Variants in FTO observed in about 807,000 individuals in gnomAD.
FTO encodes alpha-ketoglutarate-dependent dioxygenase FTO.
FTO carries 47 observed loss-of-function variants against 63.9 expected under a neutral mutation model. The ratio of observed to expected loss-of-function variants is 0.74; its 90% CI spans 0.58 to 0.94. The LOEUF is 0.94. Among genes scored for constraint, FTO ranks in the 40% least tolerant of loss-of-function variants. The pLI is 0.00. For missense variants in FTO, 562 were observed against 618.1 expected, an observed-to-expected ratio of 0.91 and a Z score of 0.96; for synonymous variants, 207 against 224.4, an observed-to-expected ratio of 0.92 and a Z score of 0.69.
intron 7 of FTO, among the ~76,000 whole-genome samples, chr16:53,900,342 A>G (rs962941302): frequency 1.3e-5 from 2 of 152,168 alleles, no homozygotes; most frequent in East Asian, 3.9e-4. Flanking sequence ...CGATCTTTAT[A>G]TGAGCAGTCT....
intron 8 of FTO, among the ~76,000 whole-genome samples, chr16:53,961,466 A>G (rs1196721902): frequency 6.6e-6 from 1 of 152,202 alleles, no homozygotes; most frequent in Non-Finnish European, 1.5e-5. Context: ...ATTGCTGTCT[A>G]TGTTATTATT....
At chr16:53,925,755 G>A (rs968214644) in intron 7 of FTO, among the ~76,000 whole-genome samples, 5 of 152,164 alleles carry the variant, frequency 3.3e-5, no homozygotes, top group Non-Finnish European at 7.3e-5. Context: ...ATTCTGCTAT[G>A]ATACAGTGGA....
chr16:54,067,562 TTA>T (rs1327720968), intron 8 of FTO, among the ~76,000 whole-genome samples: 2 of 152,328 alleles, frequency 1.3e-5, no homozygotes, highest in East Asian at 3.9e-4. Flanking sequence ...CACATAAATT[TTA>T]TGTTGGTTAT....
chr16:53,768,445 G>A (rs2077260498), intron 1 of FTO, among the ~76,000 whole-genome samples: 1 of 152,212 alleles, frequency 6.6e-6, no homozygotes, highest in Non-Finnish European at 1.5e-5. Flanking sequence ...CCTCCAGGGA[G>A]ACAAAACTAA....
At chr16:53,869,024 GT>G (rs2080412586) in intron 4 of FTO, among the ~76,000 whole-genome samples, 1 of 151,966 alleles carries the variant, frequency 6.6e-6, no homozygotes, top group African/African-American at 2.4e-5. Flanking sequence ...TATAGACAGG[GT>G]TTTACCATGT....
At chr16:53,979,571 G>A (rs551894781) in intron 8 of FTO, 47 of 393,054 alleles carry the variant, frequency 1.2e-4, no homozygotes, top group Middle Eastern at 1.3e-3. Flanking sequence ...GTGTGTGCGC[G>A]CGTGTGTGAA....
chr16:54,022,490 G>T (rs2084624451), intron 8 of FTO, among the ~76,000 whole-genome samples: 1 of 152,116 alleles, frequency 6.6e-6, no homozygotes, highest in South Asian at 2.1e-4. Context: ...AAACAGCAGT[G>T]AGGGTATAAT....
chr16:54,017,439 T>C (rs968450451), intron 8 of FTO, among the ~76,000 whole-genome samples: 2 of 148,466 alleles, frequency 1.3e-5, no homozygotes, highest in East Asian at 2.1e-4. Flanking sequence ...TGGCTTACAT[T>C]AGAAGGAGCA....
intron 8 of FTO, among the ~76,000 whole-genome samples, chr16:53,941,811 C>T (rs555191790): frequency 6.6e-6 from 1 of 152,328 alleles, no homozygotes; most frequent in South Asian, 2.1e-4. Context: ...TGCATCACTA[C>T]ACTCCAGCCT....
chr16:54,050,884 A>G (rs2085295872), intron 8 of FTO, among the ~76,000 whole-genome samples: 1 of 152,224 alleles, frequency 6.6e-6, no homozygotes, highest in Non-Finnish European at 1.5e-5. Flanking sequence ...TATTTGCTAG[A>G]GAGAGCAAAA....
chr16:53,974,764 G>A (rs1035558212), intron 8 of FTO, among the ~76,000 whole-genome samples: 5 of 152,156 alleles, frequency 3.3e-5, no homozygotes, highest in African/African-American at 1.2e-4. Context: ...ATGTCATTCT[G>A]CACTGTTTTA....
chr16:53,983,289 G>A (rs1343374983), intron 8 of FTO, among the ~76,000 whole-genome samples: 2 of 152,028 alleles, frequency 1.3e-5, no homozygotes, highest in Non-Finnish European at 2.9e-5. Context: ...TTATTCTTTA[G>A]AGAATAGTAG....
intron 8 of FTO, among the ~76,000 whole-genome samples, chr16:54,103,442 C>T (rs1467158935): frequency 6.6e-6 from 1 of 152,130 alleles, no homozygotes; most frequent in Non-Finnish European, 1.5e-5. Context: ...AAGCTGACCC[C>T]TAGGGAGAAG....
chr16:53,874,691 C>T (rs8053707), intron 5 of FTO, among the ~76,000 whole-genome samples: 11,764 of 152,166 alleles, frequency 0.077, 789 homozygotes, highest in African/African-American at 0.17. Flanking sequence ...TGAGTCTATA[C>T]GGCAGTGTTG....
intron 8 of FTO, among the ~76,000 whole-genome samples, chr16:53,972,657 A>C (rs1235115319): frequency 6.6e-6 from 1 of 152,310 alleles, no homozygotes; most frequent in Middle Eastern, 3.4e-3. Context: ...ACAGACTCAA[A>C]TGTTGGTGGA....
chr16:53,733,668 C>T (rs1277054116), intron 1 of FTO, among the ~76,000 whole-genome samples: 2 of 152,064 alleles, frequency 1.3e-5, no homozygotes, highest in East Asian at 1.9e-4. Flanking sequence ...TGTGGTTTAA[C>T]CTGTCATCTT....
chr16:54,087,132 C>T (rs1182309268), intron 8 of FTO, among the ~76,000 whole-genome samples: 2 of 152,226 alleles, frequency 1.3e-5, no homozygotes, highest in East Asian at 1.9e-4. Context: ...GTGCAAGGAA[C>T]ATGCCAGGGG....
intron 1 of FTO, among the ~76,000 whole-genome samples, chr16:53,765,557 CAAA>C (rs11383210): frequency 2.5e-5 from 3 of 120,582 alleles, no homozygotes; most frequent in Admixed American, 8.8e-5. Flanking sequence ...AACTCCGTCT[CAAA>C]AAAAAAAAAA....
At chr16:53,763,516 C>CAAGG (rs977658447) in intron 1 of FTO, among the ~76,000 whole-genome samples, 4 of 152,082 alleles carry the variant, frequency 2.6e-5, no homozygotes, top group African/African-American at 9.7e-5. Flanking sequence ...ATTGGCCTTT[C>CAAGG]AAGGGGATCA....
Sources: allele counts gnomAD v4.1 joint callset (sites outside exome capture counted in the v4.1 genomes callset), GRCh38; gene constraint gnomAD v4.1.1; transcripts MANE v1.5; gene names NCBI Gene and HGNC (gene_info 2026-07-23, HGNC 2026-07-21).